The following CDC14A variants were observed in gnomAD, a reference collection of about 807,000 sequenced individuals.
CDC14A encodes the protein dual specificity protein phosphatase CDC14A.
CDC14A carries 53 observed loss-of-function variants against 74.4 expected under a neutral mutation model. The ratio of observed to expected loss-of-function variants is 0.71; its 90% CI spans 0.57 to 0.89. The LOEUF (loss-of-function observed/expected upper bound fraction) is 0.89, where lower values mean the gene tolerates loss of function less well. CDC14A is among the 40% of genes least tolerant of loss of function. CDC14A has a pLI of 0.00. For missense variants in CDC14A, 646 were observed against 713.7 expected, an observed-to-expected ratio of 0.91 and a Z score of 1.08; for synonymous variants, 247 against 258.4, an observed-to-expected ratio of 0.96 and a Z score of 0.43.
chr1:100,517,588 T>C lies in CDC14A; in HGVS notation c.1756-663T>C, dbSNP rs570069091. On this transcript the variant is annotated intron_variant, in intron 15 of 15. Coordinates refer to ENST00000336454, the MANE Select transcript of CDC14A (RefSeq NM_003672.4). The stretch of plus-strand genomic sequence containing the variant: ...TTACATATCCCAATCACAATCCTTT[T>C]ATATGTTAGTATCTAATGTGATGTG... Among the ~76,000 whole-genome samples, 7 of 152,332 alleles carry C rather than the reference T, an allele frequency of 4.6e-5. No individual in the cohort carries two copies. In the East Asian group the frequency reaches 7.7e-4, roughly 17 times the overall value.
intron 11 of CDC14A, among the ~76,000 whole-genome samples, chr1:100,489,582 G>GT (rs5776511): frequency 0.85 from 124,279 of 146,882 alleles, 53,245 homozygotes; most frequent in South Asian, 0.93. Flanking sequence ...CATCACTCAT[G>GT]TTTTTTTTTT....
At chr1:100,390,106 G>A (rs1290185161) in intron 3 of CDC14A, among the ~76,000 whole-genome samples, 1 of 152,170 alleles carries the variant, frequency 6.6e-6, no homozygotes, top group African/African-American at 2.4e-5. Flanking sequence ...TATAACAGGT[G>A]CTTAATAACT....
chr1:100,515,469 C>T (rs936826551), intron 15 of CDC14A, among the ~76,000 whole-genome samples: 3 of 150,988 alleles, frequency 2.0e-5, no homozygotes, highest in Non-Finnish European at 4.4e-5. Context: ...CTGCAGTTTC[C>T]GCCTCCCGGG....
intron 10 of CDC14A, among the ~76,000 whole-genome samples, chr1:100,483,936 C>A (rs1669773252): frequency 6.6e-6 from 1 of 152,080 alleles, no homozygotes; most frequent in Admixed American, 6.6e-5. Flanking sequence ...TATAAATAGG[C>A]ATATCAAATT....
At chr1:100,395,846 G>C (rs1429065022) in intron 4 of CDC14A, among the ~76,000 whole-genome samples, 1 of 152,124 alleles carries the variant, frequency 6.6e-6, no homozygotes, top group Non-Finnish European at 1.5e-5. Context: ...TTCCATGCTT[G>C]TTCCTACCAA....
chr1:100,494,339 T>C (rs1396611002), intron 11 of CDC14A, among the ~76,000 whole-genome samples: 1 of 152,240 alleles, frequency 6.6e-6, no homozygotes, highest in Non-Finnish European at 1.5e-5. Context: ...TTGTGTGCTT[T>C]TACTAGTGTT....
upstream of CDC14A, among the ~76,000 whole-genome samples, chr1:100,348,083 A>G (rs1221057984): frequency 6.6e-6 from 1 of 152,114 alleles, no homozygotes; most frequent in Non-Finnish European, 1.5e-5. Context: ...AGAGATCGAG[A>G]CCATCCTGGC....
At chr1:100,455,614 T>A (rs1274644798) in intron 8 of CDC14A, 122 bp downstream of exon 8, 2 of 664,356 alleles carry the variant, frequency 3.0e-6, no homozygotes, top group Non-Finnish European at 5.2e-6. Context: ...ATTCATAATT[T>A]AAAAAATTGA....
chr1:100,407,720 G>A (rs1300186476), intron 4 of CDC14A, among the ~76,000 whole-genome samples: 3 of 152,058 alleles, frequency 2.0e-5, no homozygotes, highest in East Asian at 3.8e-4. Flanking sequence ...TGGCCTTGGC[G>A]AGAACTTCCA....
At chr1:100,358,064 A>C (rs1202034879) in intron 2 of CDC14A, among the ~76,000 whole-genome samples, 1 of 152,212 alleles carries the variant, frequency 6.6e-6, no homozygotes, top group Non-Finnish European at 1.5e-5. Flanking sequence ...GGGCAGCTTT[A>C]ATAAAATGAG....
chr1:100,360,469 G>T (rs752246682), intron 2 of CDC14A, among the ~76,000 whole-genome samples: 7 of 151,378 alleles, frequency 4.6e-5, no homozygotes, highest in Admixed American at 2.6e-4. Context: ...TCAGCCTCCC[G>T]AATAGCTGGG....
In CDC14A at chr1:100,353,010, AG is replaced by A. The variant is rs772847147; in HGVS notation, c.49+8del. On this transcript the variant is annotated splice_region_variant and intron_variant, in intron 1 of 15. Transcript: ENST00000336454. ...GCTTGTGAGTTCATGAAAGGTGAGG[AG>A]CAGCCGCCCCGCATCTTCCAACGCT... The A allele has an allele frequency of 1.2e-5, 20 of 1,613,874 alleles. No homozygotes were observed. The highest frequency in any genetic ancestry group is 2.5e-6 in the Non-Finnish European group (3 of 1,179,914).
chr1:100,497,104 TA>T (rs1173831451), intron 13 of CDC14A, among the ~76,000 whole-genome samples: 2 of 152,216 alleles, frequency 1.3e-5, no homozygotes, highest in Non-Finnish European at 2.9e-5. Flanking sequence ...CAATATGGTA[TA>T]AGAGCTATGA....
chr1:100,405,017 A>AAT (rs1324902243), intron 4 of CDC14A, among the ~76,000 whole-genome samples: 1 of 152,214 alleles, frequency 6.6e-6, no homozygotes, highest in African/African-American at 2.4e-5. Flanking sequence ...TTTCCATGTG[A>AAT]ATATACATAC....
intron 2 of CDC14A, among the ~76,000 whole-genome samples, chr1:100,369,567 T>A (rs1654144157): frequency 6.6e-6 from 1 of 152,242 alleles, no homozygotes; most frequent in Non-Finnish European, 1.5e-5. Context: ...TGCTCATTTT[T>A]TAATGGGGTT....
chr1:100,445,353 A>G (rs1261625542), intron 7 of CDC14A, among the ~76,000 whole-genome samples: 1 of 152,142 alleles, frequency 6.6e-6, no homozygotes, highest in East Asian at 1.9e-4. Flanking sequence ...CCTATACCCA[A>G]TTTTGTGTTA....
chr1:100,390,761 G>T lies in CDC14A; in HGVS notation c.246G>T (p.Val82=), dbSNP rs369158285. 2.6e-5 allele frequency: 42 copies of T among 1,612,508 alleles called. No individual in the cohort carries two copies. Among genetic ancestry groups the T allele is most frequent in the Non-Finnish European group, 3.3e-5 (39 of 1,179,110 alleles). The change falls in exon 4 of 16, where the codon GTG becomes GTT. Residue 82 remains valine, a synonymous_variant. Coordinates refer to ENST00000336454, the MANE Select transcript of CDC14A (RefSeq NM_003672.4). Reference sequence around the variant, plus strand: ...ACAGTTTGTCAAGAAAGAAAATAGTGCACTACACCTGTTTTGACCAACGGA... The same window carrying T: ...ACAGTTTGTCAAGAAAGAAAATAGTTCACTACACCTGTTTTGACCAACGGA... ...KSYSLSRKKI[V]HYTCFDQRKR...
intron 4 of CDC14A, among the ~76,000 whole-genome samples, chr1:100,407,216 T>C (rs1025127448): frequency 1.3e-5 from 2 of 152,022 alleles, no homozygotes; most frequent in African/African-American, 4.8e-5. Flanking sequence ...TTAAAATAGT[T>C]TTTTTTTCTA....
chr1:100,441,467 T>C (rs1461667644), intron 6 of CDC14A, among the ~76,000 whole-genome samples: 1 of 152,204 alleles, frequency 6.6e-6, no homozygotes, highest in East Asian at 1.9e-4. Context: ...AGGGAGCACA[T>C]TTCTCTGATT....
Sources: allele counts gnomAD v4.1 joint callset (sites outside exome capture counted in the v4.1 genomes callset), GRCh38; gene constraint gnomAD v4.1.1; transcripts MANE v1.5; gene names NCBI Gene and HGNC (gene_info 2026-07-23, HGNC 2026-07-21).